The following SPDYE21 variants were observed in gnomAD, a reference collection of about 807,000 sequenced individuals.
SPDYE21 encodes speedy/RINGO cell cycle regulator family member E21.
Under a neutral mutation model 36.2 loss-of-function variants are expected in SPDYE21, and 14 were observed. The ratio of observed to expected loss-of-function variants is 0.39; its 90% CI spans 0.26 to 0.61. The LOEUF (loss-of-function observed/expected upper bound fraction) is 0.61, where lower values mean the gene tolerates loss of function less well. Among genes scored for constraint, SPDYE21 ranks in the 20% least tolerant of loss-of-function variants. The probability of loss-of-function intolerance (pLI) is 0.55; values close to 1 mark genes in which losing one functional copy is unlikely to be tolerated. For missense variants in SPDYE21, 233 were observed against 424.6 expected, an observed-to-expected ratio of 0.55 and a Z score of 3.97; for synonymous variants, 58 against 155.1, an observed-to-expected ratio of 0.37 and a Z score of 4.65.
At chr7:67,283,409 C>T (rs1262991477) in intron 5 of SPDYE21, among the ~76,000 whole-genome samples, 3 of 152,224 alleles carry the variant, frequency 2.0e-5, no homozygotes, top group Non-Finnish European at 4.4e-5. Flanking sequence ...ACTGGGATCA[C>T]AGGCTTGAGC....
Position 67,280,050 on chromosome 7 carries a change from C to T in SPDYE21, c.379+14C>T, listed in dbSNP as rs1177316993. ...ACAGTCAGCTTGGTAGGAGGACACC[C>T]CAGAGAGCACCTCCAATCCTGTTCT... On this transcript the variant is annotated intron_variant, in intron 3 of 8. Transcript: ENST00000424157. 3.8e-6 allele frequency: 6 copies of T among 1,580,162 alleles called. No homozygotes were observed. The highest frequency in any genetic ancestry group is 4.3e-6 in the Non-Finnish European group (5 of 1,172,632).
At chr7:67,284,347 G>A (rs1802691347) in intron 6 of SPDYE21, among the ~76,000 whole-genome samples, 1 of 150,752 alleles carries the variant, frequency 6.6e-6, no homozygotes, top group Admixed American at 6.7e-5. Context: ...TACTTGGGAG[G>A]CTGAGGCAAG....
chr7:67,285,795 G>C (rs1802718841), intron 6 of SPDYE21, among the ~76,000 whole-genome samples: 2 of 151,970 alleles, frequency 1.3e-5, no homozygotes, highest in African/African-American at 4.8e-5. Context: ...CCAATGTGCT[G>C]GGATTCCAGG....
At chr7:67,279,726 G>A (rs1802598959) in intron 2 of SPDYE21, 92 bp from the exon 3 acceptor site, 2 of 1,592,626 alleles carry the variant, frequency 1.3e-6, no homozygotes, top group South Asian at 2.2e-5. Flanking sequence ...CTGCGAGGCT[G>A]GGGAGGATGG....
chr7:67,288,108 G>T lies in SPDYE21; in HGVS notation c.*636G>T, dbSNP rs1802773680. Among the ~76,000 whole-genome samples the T allele has an allele frequency of 6.6e-6, 1 of 151,468 alleles. No homozygotes were observed. The highest frequency in any genetic ancestry group is 1.5e-5 in the Non-Finnish European group (1 of 67,904). On this transcript the variant is annotated 3_prime_UTR_variant, in exon 9 of 9. Transcript: ENST00000424157. The stretch of plus-strand genomic sequence containing the variant: ...GTTATAGTTGTTATATATACATAAA[G>T]ATAATTTTCTTTTCATTTTTAAGAG...
chr7:67,284,840 C>T (rs1802702922), intron 6 of SPDYE21, among the ~76,000 whole-genome samples: 1 of 151,954 alleles, frequency 6.6e-6, no homozygotes, highest in African/African-American at 2.4e-5. Context: ...TTAGCTGATG[C>T]CTTTCTCTAT....
At position 67,286,104 on chromosome 7, in the gene SPDYE21, C is replaced by T. The variant is rs530037195; in HGVS notation, c.816C>T (p.Phe272=). Residue 272 remains phenylalanine (F), a synonymous_variant, in exon 7 of 9, where the codon TTC becomes TTT. Transcript: ENST00000424157. ...ACTCCAAACAAAACATCTTCCACTT[C>T]CTGTATGGGAAGACCCGCTCTCGCA... The part of the protein sequence containing the change: ...DEDSKQNIFH[F]LYGKTRSRIP... 4,710 of 1,614,070 alleles carry T rather than the reference C, an allele frequency of 2.9e-3. 7 individuals carry two copies. Among genetic ancestry groups the T allele is most frequent in the Non-Finnish European group, 3.8e-3 (4,526 of 1,180,052 alleles).
At position 67,286,328 on chromosome 7, in the gene SPDYE21, C is replaced by T. The variant is rs543128197; in HGVS notation, c.1040C>T (p.Pro347Leu). The T allele has an allele frequency of 2.2e-5, 35 of 1,613,632 alleles. No individual in the cohort carries two copies. Among genetic ancestry groups the T allele is most frequent in the Admixed American group, 1.0e-4 (6 of 59,982 alleles). The stretch of plus-strand genomic sequence containing the variant: ...TTCCAGTTACGCCGTTGCATGAACC[C>T]GAGGGCCAGGAAGAACCGCTCTCAG... ...RRFQLRRCMN[P>L]RARKNRSQIV... Residue 347 changes from proline to leucine, a missense_variant, in exon 7 of 9, where the codon CCG (proline) becomes CTG (leucine). Pro to Leu is a moderately conservative substitution (Grantham distance 98). Transcript: ENST00000424157.
intron 5 of SPDYE21, among the ~76,000 whole-genome samples, 163 bp from the exon 6 acceptor site, chr7:67,283,750 G>A (rs966427963): frequency 8.9e-5 from 13 of 146,282 alleles, no homozygotes; most frequent in African/African-American, 3.0e-4. Context: ...TCCGACCTTC[G>A]AATACCCCTC....
At chr7:67,285,564 A>G (rs1802714877) in intron 6 of SPDYE21, among the ~76,000 whole-genome samples, 4 of 151,096 alleles carry the variant, frequency 2.6e-5, no homozygotes, top group Non-Finnish European at 4.4e-5. Context: ...TGATTTTTGT[A>G]TTTTTAGTAG....
At chr7:67,283,381 C>T (rs1374095197) in intron 5 of SPDYE21, among the ~76,000 whole-genome samples, 2 of 152,244 alleles carry the variant, frequency 1.3e-5, no homozygotes, top group Admixed American at 6.5e-5. Context: ...ATCCTCCTGA[C>T]TCCACCTCTC....
At chr7:67,283,742 C>A (rs1488475589) in intron 5 of SPDYE21, among the ~76,000 whole-genome samples, 171 bp from the exon 6 acceptor site, 1 of 148,810 alleles carries the variant, frequency 6.7e-6, no homozygotes, top group Non-Finnish European at 1.5e-5. Context: ...GATTTGCATC[C>A]GACCTTCGAA....
At chr7:67,286,741 C>T (rs1802743151) in intron 8 of SPDYE21, among the ~76,000 whole-genome samples, 77 bp downstream of exon 8, 1 of 151,960 alleles carries the variant, frequency 6.6e-6, no homozygotes, top group South Asian at 2.1e-4. Context: ...ATTGCTTGAT[C>T]CGGCTTCAAG....
In SPDYE21 at chr7:67,282,662, C is replaced by T. The variant is rs1802659791; in HGVS notation, c.638C>T (p.Ala213Val). ...GATCCTGTCATTAAAAGATTCCTGG[C>T]CTGGGACAAAGATCTGAGGGTGTCG... Reference protein sequence around the residue: ...LEDPVIKRFLAWDKDLRVSDK... With the variant: ...LEDPVIKRFLVWDKDLRVSDK... The change falls in exon 5 of 9, where the codon GCC becomes GTC. Residue 213 changes from alanine (A) to valine (V), a missense_variant. Physicochemically the swap from Ala to Val is moderately conservative, Grantham distance 64. Coordinates refer to ENST00000424157, the MANE Select transcript of SPDYE21 (RefSeq NM_001382715.2). 6.4e-7 allele frequency: 1 copy of T among 1,566,120 alleles called. No homozygotes were observed. Among genetic ancestry groups the T allele is most frequent in the Non-Finnish European group, 8.6e-7 (1 of 1,163,386 alleles).
intron 3 of SPDYE21, 103 bp downstream of exon 3, chr7:67,280,139 G>A: frequency 3.4e-6 from 5 of 1,482,868 alleles, no homozygotes; most frequent in Non-Finnish European, 4.5e-6. Flanking sequence ...CCCCCAGTGG[G>A]TGAGCTCTCC....
intron 5 of SPDYE21, 68 bp downstream of exon 5, chr7:67,282,761 A>T (rs1296662576): frequency 5.6e-6 from 6 of 1,072,710 alleles, no homozygotes; most frequent in Middle Eastern, 3.5e-4. Flanking sequence ...CAGCTTCCAA[A>T]CCCACAGTTC....
chr7:67,279,990 G>C lies in SPDYE21; in HGVS notation c.333G>C (p.Val111=). 1.3e-6 allele frequency: 2 copies of C among 1,580,874 alleles called. No homozygotes were observed. The highest frequency in any genetic ancestry group is 1.7e-6 in the Non-Finnish European group (2 of 1,171,480). Residue 111 remains valine (V), a synonymous_variant, in exon 3 of 9, where the codon GTG becomes GTC. Transcript: ENST00000424157. ...AGATGAAGCTGAAGCAACAGCGAGT[G>C]TCACCCATCCTCCCTGAGCACCACA... The part of the protein sequence containing the change: ...GLKMKLKQQR[V]SPILPEHHKD...
intron 3 of SPDYE21, among the ~76,000 whole-genome samples, 161 bp downstream of exon 3, chr7:67,280,197 C>A (rs1476533173): frequency 1.3e-5 from 2 of 152,148 alleles, no homozygotes; most frequent in East Asian, 3.9e-4. Context: ...ACTTAGGAGA[C>A]GATAGAGGAC....
rs1166486451 is a variant in SPDYE21 at position 67,288,284 on chromosome 7, A to C, written c.*812A>C. 2.0e-5 allele frequency among the ~76,000 whole-genome samples: 3 copies of C among 148,478 alleles called. No homozygotes were observed. Among genetic ancestry groups the C allele is most frequent in the Non-Finnish European group, 4.5e-5 (3 of 66,724 alleles). On this transcript the variant is annotated 3_prime_UTR_variant, in exon 9 of 9. Coordinates refer to ENST00000424157, the MANE Select transcript of SPDYE21 (RefSeq NM_001382715.2). ...ATTGGTAGTTCCCCACCAGAAAAAAACATAATTCTGGTGATAGAAATTTTT... is the reference window on the plus strand; with the variant it reads ...ATTGGTAGTTCCCCACCAGAAAAAACCATAATTCTGGTGATAGAAATTTTT...
Sources: allele counts gnomAD v4.1 joint callset (sites outside exome capture counted in the v4.1 genomes callset), GRCh38; gene constraint gnomAD v4.1.1; transcripts MANE v1.5; gene names NCBI Gene and HGNC (gene_info 2026-07-23, HGNC 2026-07-21).